Variants in CSMD2 observed in about 807,000 individuals in gnomAD.
CSMD2 encodes the protein CUB and sushi domain-containing protein 2.
CSMD2 carries 130 observed loss-of-function variants against 398.5 expected under a neutral mutation model. That is an observed-to-expected ratio of 0.33 (90% confidence interval 0.28 to 0.38). The LOEUF (loss-of-function observed/expected upper bound fraction) is 0.38. Among genes scored for constraint, CSMD2 ranks in the 10% least tolerant of loss-of-function variants. CSMD2 has a pLI of 1.00. For missense variants in CSMD2, 3,829 were observed against 4,764.9 expected, an observed-to-expected ratio of 0.80 and a Z score of 5.78; for synonymous variants, 1,828 against 1,908.5, an observed-to-expected ratio of 0.96 and a Z score of 1.10.
At chr1:34,150,903 G>A (rs533923198) in intron 1 of CSMD2, among the ~76,000 whole-genome samples, 127 of 152,154 alleles carry the variant, frequency 8.3e-4, no homozygotes, top group Admixed American at 2.3e-3. Flanking sequence ...CTGGGTGACA[G>A]ATCAAGACTC....
intron 1 of CSMD2, among the ~76,000 whole-genome samples, chr1:34,123,497 A>C (rs1218898458): frequency 6.9e-6 from 1 of 145,236 alleles, no homozygotes; most frequent in Non-Finnish European, 1.5e-5. Flanking sequence ...TCTGTGAGCT[A>C]CTCCAGCCAA....
intron 1 of CSMD2, among the ~76,000 whole-genome samples, chr1:34,141,923 G>C (rs1465678091): frequency 1.3e-5 from 2 of 152,134 alleles, no homozygotes; most frequent in Admixed American, 1.3e-4. Flanking sequence ...GAGCCAACAG[G>C]ATTTGCTCAT....
chr1:33,857,125 G>A (rs1639154933), intron 5 of CSMD2, among the ~76,000 whole-genome samples: 5 of 152,018 alleles, frequency 3.3e-5, no homozygotes, highest in Admixed American at 3.3e-4. Context: ...CTCACTTTGG[G>A]CAAGTAACTG....
intron 16 of CSMD2, 63 bp from the exon 17 acceptor site, chr1:33,725,599 T>A: frequency 6.6e-7 from 1 of 1,521,918 alleles, no homozygotes; most frequent in Non-Finnish European, 9.1e-7. Flanking sequence ...GCAAATGACA[T>A]AAAGCCCTGC....
At chr1:33,657,749 GTA>G (rs1643993185) in intron 27 of CSMD2, among the ~76,000 whole-genome samples, 195 bp downstream of exon 27, 2 of 152,230 alleles carry the variant, frequency 1.3e-5, no homozygotes, top group Admixed American at 6.5e-5. Context: ...AGTGCTCTGT[GTA>G]TAGAGTGTGA....
rs201796219 is a variant in CSMD2 at position 34,117,658 on chromosome 1, AG to A, written c.188-28466del. 5.8e-3 allele frequency among the ~76,000 whole-genome samples: 883 copies of A among 152,190 alleles called. 13 individuals are homozygous for A. The highest frequency in any genetic ancestry group is 0.02 in the African/African-American group (841 of 41,522). ...AAATCAAAGATACTACAAAAAAAAA[AG>A]AAAACAAACAAACAAAAACTACAGA... is the stretch of plus-strand genomic sequence containing the variant. On this transcript the variant is annotated intron_variant, in intron 1 of 70. Coordinates refer to ENST00000373381, the MANE Select transcript of CSMD2 (RefSeq NM_001281956.2).
chr1:33,859,236 G>A (rs567066467), intron 5 of CSMD2, among the ~76,000 whole-genome samples: 1 of 152,300 alleles, frequency 6.6e-6, no homozygotes, highest in South Asian at 2.1e-4. Context: ...TCAAGGTGTG[G>A]GGAGGACTGA....
intron 3 of CSMD2, among the ~76,000 whole-genome samples, chr1:33,970,953 G>T (rs1025472758): frequency 6.6e-6 from 1 of 152,144 alleles, no homozygotes; most frequent in Non-Finnish European, 1.5e-5. Flanking sequence ...AGTAAAATCA[G>T]GATGATAACA....
chr1:33,724,728 GGACA>G (rs1646472412), intron 17 of CSMD2, 24 bp from the exon 18 acceptor site: 1 of 1,605,468 alleles, frequency 6.2e-7, no homozygotes, highest in African/African-American at 1.3e-5. Flanking sequence ...GCCACAGCTG[GGACA>G]GACAGCTTAC....
chr1:33,537,161 T>C lies in CSMD2; in HGVS notation c.9806-66A>G. On this transcript the variant is annotated intron_variant, in intron 61 of 70. Transcript: ENST00000373381. This position sits in a 1 kb window ranked among gnomAD's most constrained non-coding sequence, Gnocchi z 4.6. Reference sequence around the variant, plus strand: ...AAGCCTTCACGGCCTCATCTCACTCTGGGAAATAGGTGTAGAAAAGAAAAT... The same window carrying C: ...AAGCCTTCACGGCCTCATCTCACTCCGGGAAATAGGTGTAGAAAAGAAAAT... 1 of 1,553,120 alleles carries C rather than the reference T, an allele frequency of 6.4e-7. No individual in the cohort carries two copies. Among genetic ancestry groups the C allele is most frequent in the African/African-American group, 1.4e-5 (1 of 73,828 alleles).
chr1:33,935,025 A>G (rs1053491985), intron 4 of CSMD2, among the ~76,000 whole-genome samples: 4 of 151,050 alleles, frequency 2.6e-5, no homozygotes, highest in Non-Finnish European at 4.4e-5. Context: ...AAAAAAAAAA[A>G]AAAAAGAAAA....
chr1:34,138,956 C>T (rs531658058), intron 1 of CSMD2, among the ~76,000 whole-genome samples: 101 of 152,258 alleles, frequency 6.6e-4, no homozygotes, highest in Non-Finnish European at 5.3e-4. Context: ...ACTTCCTCTC[C>T]ATCACCCCCC....
intron 1 of CSMD2, among the ~76,000 whole-genome samples, chr1:34,099,817 T>C (rs1163475536): frequency 6.6e-6 from 1 of 152,206 alleles, no homozygotes; most frequent in Non-Finnish European, 1.5e-5. Flanking sequence ...CTTGACCTGG[T>C]CCCTGCTGCA....
At chr1:33,891,203 G>A (rs11484685) in intron 5 of CSMD2, among the ~76,000 whole-genome samples, 6 of 144,806 alleles carry the variant, frequency 4.1e-5, no homozygotes, top group Admixed American at 6.9e-5. Flanking sequence ...AAATTTACAA[G>A]AAAAAAAAAA....
At chr1:33,756,501 C>CT (rs1649040013) in intron 13 of CSMD2, among the ~76,000 whole-genome samples, 1 of 152,182 alleles carries the variant, frequency 6.6e-6, no homozygotes, top group Non-Finnish European at 1.5e-5. Flanking sequence ...AGGAGGTGGC[C>CT]TTTGGACTGT....
chr1:33,934,632 A>T (rs745311442), intron 4 of CSMD2, among the ~76,000 whole-genome samples: 7 of 152,238 alleles, frequency 4.6e-5, no homozygotes, highest in Non-Finnish European at 8.8e-5. Flanking sequence ...AAGGACATAC[A>T]TTAAAATCAC....
chr1:34,022,270 T>C (rs1649000739), intron 3 of CSMD2, among the ~76,000 whole-genome samples: 2 of 152,212 alleles, frequency 1.3e-5, no homozygotes, highest in Admixed American at 1.3e-4. Flanking sequence ...CTTGATGTGT[T>C]ACCCCATTTC....
chr1:33,845,631 T>C (rs1408009092), intron 6 of CSMD2, among the ~76,000 whole-genome samples: 5 of 152,224 alleles, frequency 3.3e-5, no homozygotes, highest in African/African-American at 1.2e-4. Context: ...ACCTCAGCAG[T>C]GGAAAAAACA....
intron 44 of CSMD2, chr1:33,599,945 C>T: frequency 1.7e-6 from 1 of 589,098 alleles, no homozygotes; most frequent in Non-Finnish European, 3.0e-6. Flanking sequence ...GCAGATACTG[C>T]AGCAGATACT....
Sources: gnomAD v4.1 joint callset for allele counts (sites outside exome capture counted in the v4.1 genomes callset) on GRCh38, gnomAD v4.1.1 for gene constraint, Gnocchi (gnomAD v3.1) non-coding constraint, MANE v1.5 for transcripts, NCBI Gene and HGNC (gene_info 2026-07-23, HGNC 2026-07-21) for gene names.